The following ARSB variants were observed in gnomAD, a reference collection of about 807,000 sequenced individuals.
The protein encoded by ARSB is N-acetylgalactosamine-4-sulfatase.
In ARSB, 41 loss-of-function variants were observed where a neutral mutation model predicts 50.9. That is an observed-to-expected ratio of 0.81 (90% CI 0.63 to 1.04). ARSB has a LOEUF of 1.04. Ranked by LOEUF, ARSB falls within the 50% of genes least tolerant of loss-of-function variation. The pLI is 0.00. For synonymous variants in ARSB, 269 were observed against 284.8 expected, an observed-to-expected ratio of 0.94 and a Z score of 0.56; for missense variants, 672 against 693.3, an observed-to-expected ratio of 0.97 and a Z score of 0.35.
chr5:78,854,385 A>T (rs1746036014), intron 5 of ARSB, among the ~76,000 whole-genome samples: 1 of 151,868 alleles, frequency 6.6e-6, no homozygotes, highest in African/African-American at 2.4e-5. Context: ...TCCTCTTAAC[A>T]CTTCTTTTGC....
intron 5 of ARSB, among the ~76,000 whole-genome samples, chr5:78,844,679 G>T (rs1745366874): frequency 1.3e-5 from 2 of 152,040 alleles, no homozygotes; most frequent in Non-Finnish European, 2.9e-5. Flanking sequence ...TTAGGTCTAT[G>T]ATCCATTTTA....
intron 1 of ARSB, among the ~76,000 whole-genome samples, chr5:78,981,534 G>A (rs531432074): frequency 4.6e-5 from 7 of 152,350 alleles, no homozygotes; most frequent in African/African-American, 1.7e-4. Context: ...TGATAGGTAT[G>A]ATAATGTGCA....
At chr5:78,941,125 T>C (rs200084434) in intron 4 of ARSB, among the ~76,000 whole-genome samples, 42,223 of 142,790 alleles carry the variant, frequency 0.3, 6,642 homozygotes, top group Non-Finnish European at 0.35. Flanking sequence ...GATTTTTGTA[T>C]ATTGATTTTG....
At chr5:78,846,071 T>A (rs2197001) in intron 5 of ARSB, among the ~76,000 whole-genome samples, 1 of 152,272 alleles carries the variant, frequency 6.6e-6, no homozygotes, top group African/African-American at 2.4e-5. Flanking sequence ...TGGTGAGAGA[T>A]ACAGGTTTGG....
intron 5 of ARSB, among the ~76,000 whole-genome samples, chr5:78,874,958 T>A (rs1408815845): frequency 2.0e-5 from 3 of 151,652 alleles, no homozygotes; most frequent in Non-Finnish European, 2.9e-5. Flanking sequence ...AATAAAAATT[T>A]AAAAATTAGC....
In ARSB at chr5:78,982,100, T is replaced by G. The variant is rs1264610346; in HGVS notation, c.312+2837A>C. 2.3e-5 allele frequency among the ~76,000 whole-genome samples: 2 copies of G among 87,432 alleles called. 1 individual carries two copies. The highest frequency in any genetic ancestry group is 7.7e-5 in the African/African-American group (2 of 26,062). The allele number at this position is 87,432 out of a possible 152,430, so 57.4% of individuals were successfully genotyped here. ...CACCGCGCCCAGCTAATTTTTTGTA[T>G]TTTTAGTAGAGACGGGGTTTCACCT... is the stretch of plus-strand genomic sequence containing the variant. On this transcript the variant is annotated intron_variant, in intron 1 of 7. Transcript: ENST00000264914.
intron 7 of ARSB, 81 bp downstream of exon 7, chr5:78,781,771 T>C (rs1748932588): frequency 1.9e-6 from 3 of 1,571,382 alleles, no homozygotes; most frequent in South Asian, 2.2e-5. Flanking sequence ...GGAGGGCAGA[T>C]AGACTGGAGA....
At chr5:78,915,408 G>A (rs538219475) in intron 4 of ARSB, among the ~76,000 whole-genome samples, 1 of 152,106 alleles carries the variant, frequency 6.6e-6, no homozygotes, top group Non-Finnish European at 1.5e-5. Context: ...TGAGGATCGT[G>A]ATTAGGAAAG....
chr5:78,958,107 C>G (rs1446857894), intron 3 of ARSB, among the ~76,000 whole-genome samples: 2 of 152,092 alleles, frequency 1.3e-5, no homozygotes, highest in Non-Finnish European at 2.9e-5. Flanking sequence ...CCCCATCCCC[C>G]TCAAATGCTA....
At chr5:78,971,125 A>G (rs1015096870) in intron 1 of ARSB, among the ~76,000 whole-genome samples, 1 of 152,206 alleles carries the variant, frequency 6.6e-6, no homozygotes, top group Non-Finnish European at 1.5e-5. Context: ...CTTACTAGAC[A>G]AGTTCAAAAG....
chr5:78,870,589 A>G (rs1747092060), intron 5 of ARSB, among the ~76,000 whole-genome samples: 2 of 151,246 alleles, frequency 1.3e-5, no homozygotes, highest in South Asian at 4.2e-4. Context: ...ATAGATGCAG[A>G]AAAAGCCTTT....
Position 78,960,667 on chromosome 5 carries a change from C to T in ARSB, c.690+3749G>A, listed in dbSNP as rs572757535. Among the ~76,000 whole-genome samples the T allele has an allele frequency of 8.5e-5, 13 of 152,238 alleles. No homozygotes were observed. The South Asian group carries it at 2.5e-3, about 29-fold the overall frequency. On this transcript the variant is annotated intron_variant, in intron 3 of 7. Transcript: ENST00000264914. Reference sequence around the variant, plus strand: ...TGCAACTCTTCCTCCCGGGTTCAAGCGATTCTCCTGCCTCAGCCTCCTGAC... The same window carrying T: ...TGCAACTCTTCCTCCCGGGTTCAAGTGATTCTCCTGCCTCAGCCTCCTGAC...
chr5:78,929,792 CA>C (rs11355138), intron 4 of ARSB, among the ~76,000 whole-genome samples: 62,115 of 106,644 alleles, frequency 0.58, 15,085 homozygotes, highest in East Asian at 0.69. Context: ...GACTCTGTCT[CA>C]AAAAAAAAAA....
intron 1 of ARSB, 125 bp from the exon 2 acceptor site, chr5:78,969,317 T>A (rs1194495190): frequency 9.9e-7 from 1 of 1,005,508 alleles, no homozygotes. Context: ...ATTCCTGTAC[T>A]GGCTTGAGGA....
intron 4 of ARSB, among the ~76,000 whole-genome samples, chr5:78,912,833 T>C (rs960185727): frequency 6.6e-6 from 1 of 152,254 alleles, no homozygotes; most frequent in Non-Finnish European, 1.5e-5. Flanking sequence ...TTTCCATGTC[T>C]TGATAAAAAC....
intron 6 of ARSB, among the ~76,000 whole-genome samples, chr5:78,799,835 A>G (rs969388951): frequency 1.3e-5 from 2 of 152,184 alleles, no homozygotes; most frequent in Non-Finnish European, 2.9e-5. Flanking sequence ...CCTGGCTCTC[A>G]TAGGGTTTGG....
At chr5:78,921,439 T>TAA (rs1181040012) in intron 4 of ARSB, among the ~76,000 whole-genome samples, 2 of 152,212 alleles carry the variant, frequency 1.3e-5, no homozygotes, top group African/African-American at 4.8e-5. Context: ...TATGTGTGTG[T>TAA]AAAAGACTGT....
chr5:78,911,212 G>T (rs1388582169), intron 4 of ARSB, among the ~76,000 whole-genome samples: 1 of 152,072 alleles, frequency 6.6e-6, no homozygotes, highest in Non-Finnish European at 1.5e-5. Flanking sequence ...AAATTGTCCT[G>T]ACTCAAGGAT....
intron 6 of ARSB, among the ~76,000 whole-genome samples, chr5:78,819,028 A>C (rs1278069081): frequency 6.6e-6 from 1 of 152,082 alleles, no homozygotes; most frequent in Non-Finnish European, 1.5e-5. Context: ...CCGTTGAAGG[A>C]GTTTAATTTC....
Sources: gnomAD v4.1 joint callset for allele counts (sites outside exome capture counted in the v4.1 genomes callset) on GRCh38, gnomAD v4.1.1 for gene constraint, MANE v1.5 for transcripts, NCBI Gene and HGNC (gene_info 2026-07-23, HGNC 2026-07-21) for gene names.